The following TUSC3 variants were observed in gnomAD, a reference collection of about 807,000 sequenced individuals.
The protein encoded by TUSC3 is dolichyl-diphosphooligosaccharide--protein glycosyltransferase subunit TUSC3.
A neutral mutation model predicts 44.8 loss-of-function variants in TUSC3; 45 were observed. That is an observed-to-expected ratio of 1.00 (90% CI 0.79 to 1.29). TUSC3 has a LOEUF of 1.29. Among genes scored for constraint, TUSC3 ranks in the 50% most tolerant of loss-of-function variants. The pLI is 0.00. For missense variants in TUSC3, 519 were observed against 437.9 expected (o/e 1.19, Z -1.65); for synonymous variants, 212 against 152.9 (o/e 1.39, Z -2.85).
At chr8:15,517,591 G>GT (rs1801236819) in intron 2 of TUSC3, among the ~76,000 whole-genome samples, 1 of 141,542 alleles carries the variant, frequency 7.1e-6, no homozygotes, top group African/African-American at 2.7e-5. Flanking sequence ...TTACACAGCT[G>GT]TTGGATGAGT....
intron 1 of TUSC3, among the ~76,000 whole-genome samples, chr8:15,465,000 C>A (rs997962877): frequency 3.3e-5 from 5 of 152,142 alleles, no homozygotes; most frequent in African/African-American, 1.2e-4. Context: ...CAGGCACCTG[C>A]CACCATGCCC....
In TUSC3 at chr8:15,753,923, GAGA is replaced by G. The variant is rs563280404; in HGVS notation, c.1029-3860_1029-3858del. Among the ~76,000 whole-genome samples the G allele has an allele frequency of 3.3e-3, 502 of 152,152 alleles. 1 individual carries two copies. The highest frequency in any genetic ancestry group is 0.012 in the African/African-American group (480 of 41,544). ...GAACAAATAGAGGGAACAAATGAAGGAGAAGAAGAAATAATTCTGATAGTAGTT... is the reference window on the plus strand; with the variant it reads ...GAACAAATAGAGGGAACAAATGAAGGAGAAGAAATAATTCTGATAGTAGTT... On this transcript the variant is annotated intron_variant, in intron 9 of 10. Transcript: ENST00000503731.
chr8:15,825,885 CT>C, the TUSC3 span, among the ~76,000 whole-genome samples: 23,718 of 120,154 alleles, frequency 0.2, 2,135 homozygotes, highest in East Asian at 0.37. Context: ...ACAGTTGTTT[CT>C]TTTTTTTTTT....
the TUSC3 span, among the ~76,000 whole-genome samples, chr8:15,797,432 A>G: frequency 2.6e-5 from 4 of 152,138 alleles, no homozygotes; most frequent in Non-Finnish European, 5.9e-5. Context: ...GAATCCACCC[A>G]CATGGTTCCA....
At chr8:15,643,939 A>C (rs1806499415) in intron 2 of TUSC3, among the ~76,000 whole-genome samples, 1 of 152,196 alleles carries the variant, frequency 6.6e-6, no homozygotes, top group African/African-American at 2.4e-5. Flanking sequence ...GCATAAGTAC[A>C]ATTCATTTTA....
At chr8:15,852,009 C>T in the TUSC3 span, among the ~76,000 whole-genome samples, 5 of 152,022 alleles carry the variant, frequency 3.3e-5, no homozygotes, top group East Asian at 9.7e-4. Flanking sequence ...GTGAGATGTG[C>T]CTTTTGCCTT....
chr8:15,585,533 G>C (rs911092096), intron 1 of TUSC3, among the ~76,000 whole-genome samples: 13 of 152,288 alleles, frequency 8.5e-5, no homozygotes, highest in African/African-American at 2.9e-4. Flanking sequence ...GGCTTTTATA[G>C]GAAACTGATG....
intron 6 of TUSC3, among the ~76,000 whole-genome samples, chr8:15,697,326 G>C (rs1203851319): frequency 6.6e-6 from 1 of 152,018 alleles, no homozygotes; most frequent in African/African-American, 2.4e-5. Context: ...GCTGAGTTTG[G>C]GTTTGGTTTG....
chr8:15,590,541 T>A (rs570422395), intron 1 of TUSC3, among the ~76,000 whole-genome samples: 1 of 152,244 alleles, frequency 6.6e-6, no homozygotes, highest in African/African-American at 2.4e-5. Context: ...TATTTACTAT[T>A]TTTAGAGGTT....
Position 15,443,336 on chromosome 8 carries a change from T to TTTTGTG in TUSC3, n.91+26032_91+26033insTTGTGT, listed in dbSNP as rs1403657390. Among the ~76,000 whole-genome samples, 138 of 132,996 alleles carry TTTTGTG rather than the reference T, an allele frequency of 1.0e-3. 2 individuals are homozygous for TTTTGTG. The highest frequency in any genetic ancestry group is 3.8e-3 in the African/African-American group (132 of 34,604). 87.3% of individuals were successfully genotyped at this position (132,996 alleles called of 152,430 possible). ...GGTATACAACACCACACCCACCTAA[T>TTTTGTG]TGTGTGTGTGTGTGTGTGTGTGTGT... is the stretch of plus-strand genomic sequence containing the variant. On this transcript the variant is annotated intron_variant and non_coding_transcript_variant, in intron 1 of 5. Coordinates refer to the TUSC3 transcript ENST00000503191.
intron 2 of TUSC3, among the ~76,000 whole-genome samples, chr8:15,532,557 A>C (rs2129130858): frequency 6.6e-6 from 1 of 152,272 alleles, no homozygotes; most frequent in East Asian, 1.9e-4. Context: ...GAGAGTAAGA[A>C]GTTTAAAAAG....
rs1309820745 is a variant in TUSC3 at position 15,766,233 on chromosome 8, T to C, written c.*2077T>C. On this transcript the variant is annotated 3_prime_UTR_variant, in exon 11 of 11. Transcript: ENST00000503731. Reference sequence around the variant, plus strand: ...AACTGTTACATTAGGGAAGTGATTCTAGAGCAAAATATACTGCCTCAACAT... The same window carrying C: ...AACTGTTACATTAGGGAAGTGATTCCAGAGCAAAATATACTGCCTCAACAT... 2 of 152,096 alleles carry C rather than the reference T, an allele frequency of 1.3e-5. No homozygotes were observed. Among genetic ancestry groups the C allele is most frequent in the East Asian group, 3.8e-4 (2 of 5,200 alleles). 9.4% of individuals were successfully genotyped at this position (152,096 alleles called of 1,614,324 possible). A position where few individuals can be genotyped will look rare whatever the true frequency, so the allele number is the denominator to read the frequency against.
At chr8:15,707,617 A>G (rs10104063) in intron 6 of TUSC3, among the ~76,000 whole-genome samples, 116,656 of 151,686 alleles carry the variant, frequency 0.77, 45,434 homozygotes, top group Non-Finnish European at 0.83. Flanking sequence ...TATTTCTGCG[A>G]GAGCAAAGAT....
At chr8:15,805,587 C>G in the TUSC3 span, among the ~76,000 whole-genome samples, 6 of 152,094 alleles carry the variant, frequency 3.9e-5, no homozygotes, top group Admixed American at 6.6e-5. Flanking sequence ...TTGAGATGAT[C>G]ACGTGATTTT....
At chr8:15,804,185 A>G in the TUSC3 span, among the ~76,000 whole-genome samples, 1 of 152,092 alleles carries the variant, frequency 6.6e-6, no homozygotes, top group South Asian at 2.1e-4. Context: ...AAGTGTTCCT[A>G]TTTCTCCACA....
At chr8:15,775,436 T>A in the TUSC3 span, among the ~76,000 whole-genome samples, 1 of 151,996 alleles carries the variant, frequency 6.6e-6, no homozygotes, top group African/African-American at 2.4e-5. Context: ...GTATTAAGTT[T>A]AAAATGATTA....
intron 1 of TUSC3, among the ~76,000 whole-genome samples, chr8:15,573,202 CTATATATATATA>C (rs373565575): frequency 3.0e-4 from 22 of 74,194 alleles, no homozygotes; most frequent in African/African-American, 9.6e-4. Context: ...CTCTCTCTCT[CTATATATATATA>C]TATATATATA....
intron 1 of TUSC3, among the ~76,000 whole-genome samples, chr8:15,547,548 C>T (rs976775819): frequency 6.6e-6 from 1 of 151,452 alleles, no homozygotes; most frequent in Non-Finnish European, 1.5e-5. Context: ...ATAAAACAAG[C>T]AACAAGCAGA....
At chr8:15,778,145 T>G in the TUSC3 span, among the ~76,000 whole-genome samples, 1 of 151,166 alleles carries the variant, frequency 6.6e-6, no homozygotes, top group East Asian at 1.9e-4. Context: ...CACCGGCTAA[T>G]ATCACCCTTG....
Sources: gnomAD v4.1 joint callset for allele counts (sites outside exome capture counted in the v4.1 genomes callset) on GRCh38, gnomAD v4.1.1 for gene constraint, MANE v1.5 for transcripts, NCBI Gene and HGNC (gene_info 2026-07-23, HGNC 2026-07-21) for gene names.